Variants in NFIB observed in about 807,000 individuals in gnomAD.
NFIB encodes the protein nuclear factor I B, also known as nuclear factor 1 B-type.
A neutral mutation model predicts 61.5 loss-of-function variants in NFIB; 11 were observed. The ratio of observed to expected loss-of-function variants is 0.18; its 90% CI spans 0.11 to 0.30. The LOEUF is 0.30. Ranked by LOEUF, NFIB falls within the 10% of genes least tolerant of loss-of-function variation. NFIB has a pLI of 1.00. For missense variants in NFIB, 471 were observed against 608.9 expected, an observed-to-expected ratio of 0.77 and a Z score of 2.38; for synonymous variants, 260 against 216.5, an observed-to-expected ratio of 1.20 and a Z score of -1.76.
At chr9:14,256,521 G>T (rs1156280438) in intron 2 of NFIB, among the ~76,000 whole-genome samples, 1 of 152,142 alleles carries the variant, frequency 6.6e-6, no homozygotes, top group East Asian at 1.9e-4. Flanking sequence ...CTAATTAGAA[G>T]ATAGAGAAAA....
chr9:14,253,838 CTATT>C (rs1203710016), intron 2 of NFIB, among the ~76,000 whole-genome samples: 1 of 152,086 alleles, frequency 6.6e-6, no homozygotes, highest in Non-Finnish European at 1.5e-5. Flanking sequence ...GAAGTAATCT[CTATT>C]TATTTTTTTC....
Position 14,314,138 on chromosome 9 carries a change from G to A in NFIB, c.-627C>T. The A allele has an allele frequency of 9.8e-7, 1 of 1,016,628 alleles. No individual in the cohort carries two copies. Among genetic ancestry groups the A allele is most frequent in the African/African-American group, 1.8e-5 (1 of 56,940 alleles). 63.0% of individuals were successfully genotyped at this position (1,016,628 alleles called of 1,614,324 possible). A position where few individuals can be genotyped will look rare whatever the true frequency, so the allele number is the denominator to read the frequency against. On this transcript the variant is annotated 5_prime_UTR_variant, in exon 1 of 11. Coordinates refer to ENST00000380953, the MANE Select transcript of NFIB (RefSeq NM_001190737.2). ...TGTGCGCGAGGGGCAGCGTGAGCGA[G>A]TGCGCGCGGGTGGCGGGGCGCGCGC...
rs113249956 is a variant in NFIB at position 14,268,092 on chromosome 9, G to A, written c.562+38897C>T. ...GGAGGTTGCAGTGAGCCAAGATCAC[G>A]CCTGGCCGACATAGCAAGATTCCAT... On this transcript the variant is annotated intron_variant, in intron 2 of 10. Coordinates refer to ENST00000380953, the MANE Select transcript of NFIB (RefSeq NM_001190737.2). Among the ~76,000 whole-genome samples, 525 of 148,518 alleles carry A rather than the reference G, an allele frequency of 3.5e-3. 2 individuals are homozygous for A. The highest frequency in any genetic ancestry group is 0.012 in the African/African-American group (474 of 40,182).
the NFIB span, among the ~76,000 whole-genome samples, chr9:14,422,775 G>T: frequency 6.6e-6 from 1 of 152,200 alleles, no homozygotes; most frequent in Non-Finnish European, 1.5e-5. Flanking sequence ...TGAGGAAGGT[G>T]CAGAGTGCTG....
chr9:14,162,080 C>T (rs2044265383), intron 3 of NFIB, among the ~76,000 whole-genome samples: 1 of 152,006 alleles, frequency 6.6e-6, no homozygotes. Flanking sequence ...ATTTCTTTCA[C>T]CAGAACATTA....
At chr9:14,356,156 G>C (rs1389099517) in intron 1 of NFIB, among the ~76,000 whole-genome samples, 1 of 152,158 alleles carries the variant, frequency 6.6e-6, no homozygotes, top group African/African-American at 2.4e-5. Context: ...GGCTGGGGCA[G>C]CGTGAGACAC....
chr9:14,413,076 G>C, the NFIB span, among the ~76,000 whole-genome samples: 7 of 152,166 alleles, frequency 4.6e-5, no homozygotes, highest in South Asian at 8.3e-4. Flanking sequence ...AGAACCCCTG[G>C]GTAGCTCTGA....
intron 1 of NFIB, among the ~76,000 whole-genome samples, chr9:14,388,469 GAGAGAGAGAGAGAGAA>G (rs747704218): frequency 2.9e-5 from 4 of 136,858 alleles, no homozygotes; most frequent in Non-Finnish European, 6.1e-5. Flanking sequence ...GAAAGAAAAA[GAGAGAGAGAGAGAGAA>G]AGAGAGAGAG....
chr9:14,518,841 T>A, the NFIB span, among the ~76,000 whole-genome samples: 1 of 152,064 alleles, frequency 6.6e-6, no homozygotes. Context: ...ATATTTCCAA[T>A]TCCCAACTTC....
intron 2 of NFIB, among the ~76,000 whole-genome samples, chr9:14,186,155 G>C (rs980596486): frequency 2.0e-5 from 3 of 152,202 alleles, no homozygotes; most frequent in Non-Finnish European, 4.4e-5. Context: ...GAGTTTTCAG[G>C]TCCCCTGTGG....
chr9:14,118,589 C>T (rs139958872), intron 8 of NFIB, among the ~76,000 whole-genome samples: 1 of 152,008 alleles, frequency 6.6e-6, no homozygotes, highest in African/African-American at 2.4e-5. Context: ...GATGAAGCTA[C>T]ACTAAAAATT....
chr9:14,457,783 G>C, the NFIB span, among the ~76,000 whole-genome samples: 8,124 of 152,000 alleles, frequency 0.053, 230 homozygotes, highest in African/African-American at 0.063. Flanking sequence ...TGGATAAATT[G>C]CTGGACACAT....
intron 2 of NFIB, among the ~76,000 whole-genome samples, chr9:14,299,110 T>C (rs1229432031): frequency 3.3e-5 from 5 of 152,248 alleles, no homozygotes; most frequent in African/African-American, 1.2e-4. Flanking sequence ...GTCATTAGCA[T>C]AGGCATAAAT....
chr9:14,136,057 T>C (rs1008277383), intron 6 of NFIB, among the ~76,000 whole-genome samples: 3 of 152,134 alleles, frequency 2.0e-5, no homozygotes, highest in South Asian at 2.1e-4. Context: ...CTACACCCAA[T>C]ACCAAGTTAA....
the NFIB span, among the ~76,000 whole-genome samples, chr9:14,531,327 G>C: frequency 6.6e-6 from 1 of 152,244 alleles, no homozygotes; most frequent in South Asian, 2.1e-4. Flanking sequence ...ACATTTGCCT[G>C]AGCAAAGAAA....
chr9:14,322,063 T>C (rs1392156241), intron 1 of NFIB: 1 of 1,211,448 alleles, frequency 8.3e-7, no homozygotes, highest in Non-Finnish European at 1.0e-6. Context: ...TGGTGTCGCT[T>C]TTTGTGTTTA....
chr9:14,501,356 C>G, the NFIB span, among the ~76,000 whole-genome samples: 3 of 152,152 alleles, frequency 2.0e-5, no homozygotes, highest in Non-Finnish European at 4.4e-5. Context: ...TTTCTGGCCT[C>G]TTTGGTATAC....
At chr9:14,180,122 C>T (rs1308689942) in intron 2 of NFIB, among the ~76,000 whole-genome samples, 2 of 152,110 alleles carry the variant, frequency 1.3e-5, no homozygotes, top group African/African-American at 4.8e-5. Flanking sequence ...TGAAATAAAG[C>T]AGATATATTC....
At chr9:14,197,770 G>C (rs568631590) in intron 2 of NFIB, among the ~76,000 whole-genome samples, 1 of 152,232 alleles carries the variant, frequency 6.6e-6, no homozygotes, top group South Asian at 2.1e-4. Context: ...CAGCGCTTTA[G>C]CAAATTTTGG....
Sources: allele counts gnomAD v4.1 joint callset (sites outside exome capture counted in the v4.1 genomes callset), GRCh38; gene constraint gnomAD v4.1.1; transcripts MANE v1.5; gene names NCBI Gene and HGNC (gene_info 2026-07-23, HGNC 2026-07-21).